SCRG1: variants seen among roughly 807,000 people sequenced by gnomAD.
SCRG1 encodes the protein scrapie-responsive protein 1.
Under a neutral mutation model 7.7 loss-of-function variants are expected in SCRG1, and 3 were observed. The ratio of observed to expected loss-of-function variants is 0.39; its 90% CI spans 0.18 to 1.01. SCRG1 has a LOEUF of 1.01. Ranked by LOEUF, SCRG1 falls within the 50% of genes least tolerant of loss-of-function variation. The pLI is 0.36. For synonymous variants in SCRG1, 46 were observed against 41.2 expected (o/e 1.12, Z -0.44); for missense variants, 110 against 117.2 (o/e 0.94, Z 0.28).
At chr4:173,417,044 CCACA>C in the SCRG1 span, among the ~76,000 whole-genome samples, 5 of 148,386 alleles carry the variant, frequency 3.4e-5, no homozygotes, top group Admixed American at 1.3e-4. Context: ...CACACACACC[CCACA>C]CACAATCACA....
the SCRG1 span, among the ~76,000 whole-genome samples, chr4:173,500,099 A>G: frequency 6.6e-6 from 1 of 152,176 alleles, no homozygotes; most frequent in African/African-American, 2.4e-5. Flanking sequence ...CAGGGTTGCC[A>G]TCCTCTCTGG....
the SCRG1 span, among the ~76,000 whole-genome samples, chr4:173,436,496 G>A: frequency 6.6e-6 from 1 of 152,088 alleles, no homozygotes; most frequent in Non-Finnish European, 1.5e-5. Flanking sequence ...ACCTCCAGCC[G>A]GGGGCAGGGA....
the SCRG1 span, among the ~76,000 whole-genome samples, chr4:173,501,017 G>A: frequency 6.6e-6 from 1 of 152,344 alleles, no homozygotes; most frequent in South Asian, 2.1e-4. The surrounding 1 kb of genome is among the most constrained non-coding windows in gnomAD (Gnocchi z 5.1). Flanking sequence ...AGAGGCGGGA[G>A]GCTCCCAGTG....
the SCRG1 span, among the ~76,000 whole-genome samples, chr4:173,483,041 T>C: frequency 1.6e-5 from 2 of 124,616 alleles, no homozygotes; most frequent in Non-Finnish European, 1.6e-5. Context: ...ATATTTCATG[T>C]ATATTTTATA....
At chr4:173,389,371 A>G (rs1739345856) in intron 2 of SCRG1, among the ~76,000 whole-genome samples, 1 of 152,202 alleles carries the variant, frequency 6.6e-6, no homozygotes, top group South Asian at 2.1e-4. Flanking sequence ...CTTCTCTACT[A>G]AAAATACAAA....
At chr4:173,492,371 G>A in the SCRG1 span, among the ~76,000 whole-genome samples, 1 of 151,982 alleles carries the variant, frequency 6.6e-6, no homozygotes, top group Non-Finnish European at 1.5e-5. Context: ...GATTGTTGAC[G>A]ACCTCTCCTG....
At chr4:173,516,762 C>A in the SCRG1 span, among the ~76,000 whole-genome samples, 1 of 152,150 alleles carries the variant, frequency 6.6e-6, no homozygotes, top group African/African-American at 2.4e-5. Context: ...GGTAAATTAC[C>A]CCGCGCGCTG....
chr4:173,519,043 G>C, the SCRG1 span, among the ~76,000 whole-genome samples: 1 of 151,878 alleles, frequency 6.6e-6, no homozygotes, highest in Non-Finnish European at 1.5e-5. Context: ...AGGCGAACAG[G>C]AACCCCCAGG....
chr4:173,512,619 C>G, the SCRG1 span, among the ~76,000 whole-genome samples: 2 of 152,202 alleles, frequency 1.3e-5, no homozygotes, highest in Non-Finnish European at 2.9e-5. Context: ...GCAATTCTGG[C>G]CAGGTACCAC....
chr4:173,516,754 T>C, the SCRG1 span, among the ~76,000 whole-genome samples: 1 of 152,092 alleles, frequency 6.6e-6, no homozygotes, highest in African/African-American at 2.4e-5. Context: ...CCAGGGAAGG[T>C]AAATTACCCC....
intron 1 of SCRG1, among the ~76,000 whole-genome samples, chr4:173,392,053 A>G (rs1739464775): frequency 6.6e-6 from 1 of 152,250 alleles, no homozygotes; most frequent in Non-Finnish European, 1.5e-5. Flanking sequence ...GTATAAACTC[A>G]GGCAAATTTC....
chr4:173,486,522 A>T, the SCRG1 span, among the ~76,000 whole-genome samples: 560 of 151,682 alleles, frequency 3.7e-3, 4 homozygotes, highest in Non-Finnish European at 6.3e-3. Flanking sequence ...TTTTTTTTCC[A>T]TGCTTGTTTT....
chr4:173,478,685 T>C, the SCRG1 span, among the ~76,000 whole-genome samples: 1 of 152,150 alleles, frequency 6.6e-6, no homozygotes, highest in African/African-American at 2.4e-5. Flanking sequence ...TACAAAATAA[T>C]AAATGAGATT....
chr4:173,446,330 C>G, the SCRG1 span, among the ~76,000 whole-genome samples: 2 of 152,000 alleles, frequency 1.3e-5, no homozygotes, highest in African/African-American at 4.8e-5. Flanking sequence ...ACTGCTGGCA[C>G]TTTAGCATGA....
At chr4:173,431,258 G>A in the SCRG1 span, among the ~76,000 whole-genome samples, 1 of 152,188 alleles carries the variant, frequency 6.6e-6, no homozygotes, top group African/African-American at 2.4e-5. Flanking sequence ...TTCAAGCAGG[G>A]GAACTGAGCA....
At chr4:173,494,590 G>A in the SCRG1 span, among the ~76,000 whole-genome samples, 1 of 152,212 alleles carries the variant, frequency 6.6e-6, no homozygotes, top group African/African-American at 2.4e-5. Flanking sequence ...AGAACAAGAG[G>A]CAGGAGGTAG....
At chr4:173,485,076 TTA>T in the SCRG1 span, among the ~76,000 whole-genome samples, 22 of 5,264 alleles carry the variant, frequency 4.2e-3, 4 homozygotes, top group Non-Finnish European at 8.4e-3. Flanking sequence ...ATATTATATA[TTA>T]TATAATATAT....
At chr4:173,397,149 G>A (rs1739630308) in intron 1 of SCRG1, among the ~76,000 whole-genome samples, 1 of 152,114 alleles carries the variant, frequency 6.6e-6, no homozygotes, top group South Asian at 2.1e-4. Flanking sequence ...CAGATAAATA[G>A]CTTTAACTAT....
At chr4:173,485,202 ATATAT>A in the SCRG1 span, among the ~76,000 whole-genome samples, 5 of 113,922 alleles carry the variant, frequency 4.4e-5, 1 homozygote, top group Non-Finnish European at 8.4e-5. Flanking sequence ...AATATATATG[ATATAT>A]TATATATAGG....
Sources: allele counts gnomAD v4.1 joint callset (sites outside exome capture counted in the v4.1 genomes callset), GRCh38; gene constraint gnomAD v4.1.1; non-coding constraint Gnocchi (gnomAD v3.1); transcripts MANE v1.5; gene names NCBI Gene and HGNC (gene_info 2026-07-23, HGNC 2026-07-21).